Variants in AARSD1 observed in about 807,000 individuals in gnomAD.
AARSD1 encodes alanyl-tRNA editing protein Aarsd1.
A neutral mutation model predicts 48.7 loss-of-function variants in AARSD1; 44 were observed. That is an observed-to-expected ratio of 0.90 (90% CI 0.71 to 1.16). The LOEUF (loss-of-function observed/expected upper bound fraction) is 1.16, where lower values mean the gene tolerates loss of function less well. Among genes scored for constraint, AARSD1 ranks in the 50% most tolerant of loss-of-function variants. The pLI, the probability that AARSD1 is intolerant of heterozygous loss-of-function variation, is 0.00. For missense variants in AARSD1, 511 were observed against 523.1 expected (o/e 0.98, Z 0.23); for synonymous variants, 189 against 194.9 (o/e 0.97, Z 0.25).
intron 2 of AARSD1, among the ~76,000 whole-genome samples, chr17:42,963,186 T>C (rs980441152): frequency 1.3e-5 from 2 of 151,042 alleles, no homozygotes; most frequent in Admixed American, 6.6e-5. Context: ...GTTCAAGTGA[T>C]TCTCATGCCT....
At chr17:42,958,630 G>A (rs1012162112) in intron 3 of AARSD1, among the ~76,000 whole-genome samples, 13 of 150,230 alleles carry the variant, frequency 8.7e-5, no homozygotes, top group Non-Finnish European at 3.0e-5. Flanking sequence ...GAGTGCAGTG[G>A]TGCAATCTCA....
chr17:42,958,371 T>G (rs574900084), intron 3 of AARSD1, among the ~76,000 whole-genome samples: 1 of 151,350 alleles, frequency 6.6e-6, no homozygotes, highest in African/African-American at 2.4e-5. Context: ...TGTGGTGGCA[T>G]GCACCTGTAA....
At chr17:42,960,721 CAAAA>C (rs912931801) in intron 3 of AARSD1, among the ~76,000 whole-genome samples, 11 of 77,848 alleles carry the variant, frequency 1.4e-4, no homozygotes, top group Admixed American at 3.0e-4. Context: ...AACTCTGTGT[CAAAA>C]AAAAAAAAAA....
chr17:42,951,712 A>C, intron 11 of AARSD1, 88 bp downstream of exon 11: 1 of 1,394,244 alleles, frequency 7.2e-7, no homozygotes. Flanking sequence ...ATGAGATCGC[A>C]GATGTGATGG....
intron 9 of AARSD1, 65 bp downstream of exon 9, chr17:42,954,811 A>C (rs2049524484): frequency 1.3e-6 from 2 of 1,544,746 alleles, no homozygotes; most frequent in Admixed American, 3.4e-5. Context: ...TTGCATATAG[A>C]GAAGACACTG....
intron 3 of AARSD1, among the ~76,000 whole-genome samples, chr17:42,959,942 G>A (rs200000796): frequency 1.3e-5 from 2 of 151,918 alleles, no homozygotes; most frequent in African/African-American, 2.4e-5. Flanking sequence ...GATTACAGGC[G>A]TGAGCCACCG....
intron 3 of AARSD1, among the ~76,000 whole-genome samples, chr17:42,959,196 CAAAAAAAAA>C (rs1196945159): frequency 1.7e-5 from 1 of 59,964 alleles, no homozygotes; most frequent in African/African-American, 6.6e-5. Flanking sequence ...GACTTTGTCT[CAAAAAAAAA>C]AAAAAAAAAA....
intron 2 of AARSD1, 82 bp downstream of exon 2, chr17:42,964,024 G>T: frequency 1.3e-6 from 2 of 1,588,542 alleles, no homozygotes; most frequent in Non-Finnish European, 1.7e-6. Context: ...ATTCATTATG[G>T]CTGAGAAAAA....
At chr17:42,951,976 TAAGAA>T in intron 10 of AARSD1, 82 bp from the exon 11 acceptor site, 1 of 1,433,582 alleles carries the variant, frequency 7.0e-7, no homozygotes, top group Non-Finnish European at 9.7e-7. Context: ...TCTTCAATCT[TAAGAA>T]TAGATTATTT....
In AARSD1 at chr17:42,961,228, A is replaced by C. The variant is rs2049632790; in HGVS notation, c.295T>G (p.Trp99Gly). 6.2e-7 allele frequency: 1 copy of C among 1,613,840 alleles called. No homozygotes were observed. Among genetic ancestry groups the C allele is most frequent in the Non-Finnish European group, 8.5e-7 (1 of 1,179,898 alleles). Residue 99 changes from tryptophan (W) to glycine (G), a missense_variant, in exon 3 of 12, where the codon TGG becomes GGG. Coordinates refer to ENST00000427569, the MANE Select transcript of AARSD1 (RefSeq NM_001261434.2). ...PGSQVLVRVD[W>G]ERRFDHMQQH... is the part of the protein sequence containing the mutation. ...TGCATGTGGTCAAACCTCCGCTCCC[A>C]ATCTACCCGGACCAGAACCTGGCTT...
Position 42,955,813 on chromosome 17 carries a change from G to A in AARSD1, c.794+29C>T, listed in dbSNP as rs770518171. The A allele has an allele frequency of 1.9e-6, 3 of 1,613,194 alleles. No individual in the cohort carries two copies. In the African/African-American group the frequency reaches 4.0e-5, roughly 22 times the overall value. On this transcript the variant is annotated intron_variant, in intron 7 of 11. Coordinates refer to ENST00000427569, the MANE Select transcript of AARSD1 (RefSeq NM_001261434.2). The stretch of plus-strand genomic sequence containing the variant: ...TATGTCGAAAATCTCAGAAATGGGA[G>A]GTAATCGAAGGTACTGAAACAGGCA...
Position 42,953,743 on chromosome 17 carries a change from G to C in AARSD1, c.989C>G (p.Ala330Gly). 1 of 1,614,120 alleles carries C rather than the reference G, an allele frequency of 6.2e-7. No homozygotes were observed. The highest frequency in any genetic ancestry group is 8.5e-7 in the Non-Finnish European group (1 of 1,180,010). The change falls in exon 10 of 12, where the codon GCC (alanine) becomes GGC (glycine). Residue 330 changes from alanine to glycine, a missense_variant. By Grantham distance (60) the Ala-to-Gly change is moderately conservative. Coordinates refer to ENST00000427569, the MANE Select transcript of AARSD1 (RefSeq NM_001261434.2). ...EGDSEFMNII[A>G]NEIGSEETLL... Reference sequence around the variant, plus strand: ...TCTTACCTCTGACCCAATCTCATTGGCAATGATATTCATGAACTCTGAATC... The same window carrying C: ...TCTTACCTCTGACCCAATCTCATTGCCAATGATATTCATGAACTCTGAATC...
chr17:42,954,498 G>C (rs1165535280), intron 9 of AARSD1, among the ~76,000 whole-genome samples: 1 of 151,748 alleles, frequency 6.6e-6, no homozygotes, highest in Non-Finnish European at 1.5e-5. Context: ...GCTGTGGCGT[G>C]ATCTCCACTC....
At chr17:42,963,205 C>T (rs1444609409) in intron 2 of AARSD1, among the ~76,000 whole-genome samples, 4 of 151,048 alleles carry the variant, frequency 2.6e-5, no homozygotes, top group South Asian at 2.1e-4. Flanking sequence ...CTCAGCCTCC[C>T]GAGTAGCTGG....
rs765543815 is a variant in AARSD1, at chr17:42,954,867, A to C, written c.953+9T>G. 1 of 1,613,832 alleles carries C rather than the reference A, an allele frequency of 6.2e-7. No individual in the cohort carries two copies. The highest frequency in any genetic ancestry group is 1.1e-5 in the South Asian group (1 of 91,060). On this transcript the variant is annotated intron_variant, in intron 9 of 11. Coordinates refer to ENST00000427569, the MANE Select transcript of AARSD1 (RefSeq NM_001261434.2). ...TCCCCTTCCTTGTGTCCAGCTCCTAATTTCTCACCTGTGTAATATGACCAC... is the reference window on the plus strand; with the variant it reads ...TCCCCTTCCTTGTGTCCAGCTCCTACTTTCTCACCTGTGTAATATGACCAC...
intron 3 of AARSD1, among the ~76,000 whole-genome samples, chr17:42,960,217 G>C (rs568048155): frequency 6.6e-6 from 1 of 151,666 alleles, no homozygotes; most frequent in Non-Finnish European, 1.5e-5. Flanking sequence ...GCAGTGAGCC[G>C]AGATCATGCC....
At chr17:42,955,091 G>C in intron 8 of AARSD1, 67 bp downstream of exon 8, 2 of 1,612,842 alleles carry the variant, frequency 1.2e-6, no homozygotes, top group Non-Finnish European at 1.7e-6. Flanking sequence ...TTAGGCAGAA[G>C]ACCAAGTCTG....
In AARSD1 at chr17:42,957,154, GCTTAAA is replaced by G; in HGVS notation, c.367_372del (p.Phe123_Lys124del). On this transcript the variant is annotated inframe_deletion, in exon 4 of 12. Transcript: ENST00000427569. ...CCCACTCACCATGATGTTGTCTTCA[GCTTAAA>G]TAGATGGTCAGCAACTGCCGTGATG... is the stretch of plus-strand genomic sequence containing the variant. 1 of 1,613,568 alleles carries G rather than the reference GCTTAAA, an allele frequency of 6.2e-7. No individual in the cohort carries two copies. Among genetic ancestry groups the G allele is most frequent in the Non-Finnish European group, 8.5e-7 (1 of 1,179,856 alleles).
intron 7 of AARSD1, 104 bp downstream of exon 7, chr17:42,955,738 G>GC: frequency 6.4e-7 from 1 of 1,559,900 alleles, no homozygotes; most frequent in Non-Finnish European, 8.7e-7. Flanking sequence ...ACCACGCCTG[G>GC]CCGCACTTTA....
Sources: allele counts gnomAD v4.1 joint callset (sites outside exome capture counted in the v4.1 genomes callset), GRCh38; gene constraint gnomAD v4.1.1; transcripts MANE v1.5; gene names NCBI Gene and HGNC (gene_info 2026-07-23, HGNC 2026-07-21).